Variants in LRRC4C observed in about 807,000 individuals in gnomAD.
The protein encoded by LRRC4C is leucine rich repeat containing 4C.
LRRC4C carries 5 observed loss-of-function variants against 33.6 expected under a neutral mutation model. The ratio of observed to expected loss-of-function variants is 0.15; its 90% CI spans 0.08 to 0.31. LRRC4C has a LOEUF of 0.31. LRRC4C is among the 10% of genes least tolerant of loss of function. The pLI, the probability that LRRC4C is intolerant of heterozygous loss-of-function variation, is 1.00. For missense variants in LRRC4C, 560 were observed against 796.7 expected (o/e 0.70, Z 3.58); for synonymous variants, 329 against 302.0 (o/e 1.09, Z -0.93).
chr11:40,353,142 A>G (rs139023246), intron 3 of LRRC4C, among the ~76,000 whole-genome samples: 1 of 152,220 alleles, frequency 6.6e-6, no homozygotes, highest in East Asian at 1.9e-4. Context: ...GTTCTCTGTT[A>G]TTATTCCTTC....
intron 1 of LRRC4C, among the ~76,000 whole-genome samples, chr11:41,446,380 G>A (rs1955827999): frequency 6.6e-6 from 1 of 152,202 alleles, no homozygotes; most frequent in African/African-American, 2.4e-5. Context: ...TGATTGCTCT[G>A]CTTGTTTTTC....
chr11:40,984,360 G>T (rs1382401947), intron 1 of LRRC4C, among the ~76,000 whole-genome samples: 14 of 61,956 alleles, frequency 2.3e-4, no homozygotes, highest in Admixed American at 2.3e-3. Flanking sequence ...GAGAAAGAAA[G>T]AAAAAAGAAA....
chr11:40,274,414 G>GACAC (rs758404396), intron 4 of LRRC4C, among the ~76,000 whole-genome samples: 1,292 of 63,048 alleles, frequency 0.02, 12 homozygotes, highest in Middle Eastern at 0.052. Flanking sequence ...CTGCGGAATA[G>GACAC]ACACACACAT....
rs554239768 is a variant in LRRC4C, at chr11:41,263,609, T to C, written c.-496+195822A>G. Among the ~76,000 whole-genome samples the C allele has an allele frequency of 2.6e-5, 4 of 152,324 alleles. No homozygotes were observed. The South Asian group carries it at 8.3e-4, about 32-fold the overall frequency. On this transcript the variant is annotated intron_variant, in intron 1 of 6. Transcript: ENST00000528697. Reference sequence around the variant, plus strand: ...CATTTGTTTATTCACACATTGAATATGTTTTGAGTTTCTGCTTTGAGTATT... The same window carrying C: ...CATTTGTTTATTCACACATTGAATACGTTTTGAGTTTCTGCTTTGAGTATT...
chr11:40,458,194 T>A (rs1463816134), intron 3 of LRRC4C, among the ~76,000 whole-genome samples: 2 of 152,086 alleles, frequency 1.3e-5, no homozygotes, highest in Non-Finnish European at 2.9e-5. Context: ...GACAATAGAA[T>A]CCTTGTTACC....
chr11:41,364,064 C>T (rs1365219392), intron 1 of LRRC4C, among the ~76,000 whole-genome samples: 2 of 152,070 alleles, frequency 1.3e-5, no homozygotes, highest in Non-Finnish European at 2.9e-5. Context: ...TCATTTCTTT[C>T]TAGGACTGCG....
At chr11:41,051,230 G>T (rs1858183798) in intron 1 of LRRC4C, among the ~76,000 whole-genome samples, 2 of 151,924 alleles carry the variant, frequency 1.3e-5, no homozygotes, top group African/African-American at 4.8e-5. Flanking sequence ...CTTAAATGTT[G>T]GTGGCTTTAC....
At chr11:41,406,706 C>CCACACACACA (rs112867786) in intron 1 of LRRC4C, among the ~76,000 whole-genome samples, 127 of 138,306 alleles carry the variant, frequency 9.2e-4, no homozygotes, top group South Asian at 4.2e-3. Flanking sequence ...TACACATTCA[C>CCACACACACA]CACACACACA....
At chr11:40,617,639 T>C (rs1306977396) in intron 3 of LRRC4C, among the ~76,000 whole-genome samples, 1 of 151,710 alleles carries the variant, frequency 6.6e-6, no homozygotes, top group African/African-American at 2.4e-5. Context: ...TACAATACTA[T>C]GGAGAAATAA....
intron 1 of LRRC4C, among the ~76,000 whole-genome samples, chr11:41,146,373 C>A (rs984888293): frequency 6.6e-6 from 1 of 152,172 alleles, no homozygotes; most frequent in African/African-American, 2.4e-5. Context: ...GGTTCATTCC[C>A]TCTCATTGCA....
At chr11:40,450,336 A>T (rs1001996659) in intron 3 of LRRC4C, among the ~76,000 whole-genome samples, 22 of 152,206 alleles carry the variant, frequency 1.4e-4, no homozygotes, top group Admixed American at 1.3e-4. Context: ...ATGATTAAAT[A>T]AATATATCAC....
intron 2 of LRRC4C, among the ~76,000 whole-genome samples, chr11:40,689,808 A>G (rs1460518768): frequency 1.3e-5 from 2 of 152,092 alleles, no homozygotes; most frequent in Non-Finnish European, 2.9e-5. Context: ...TTACTAATAT[A>G]CATTCTATCT....
chr11:41,450,868 A>T (rs1162698223), intron 1 of LRRC4C, among the ~76,000 whole-genome samples: 2 of 152,124 alleles, frequency 1.3e-5, no homozygotes, highest in Admixed American at 6.6e-5. Flanking sequence ...CTGCTTCACA[A>T]TATACATATT....
intron 3 of LRRC4C, among the ~76,000 whole-genome samples, chr11:40,454,011 A>G (rs1181954361): frequency 6.6e-6 from 1 of 152,182 alleles, no homozygotes; most frequent in Non-Finnish European, 1.5e-5. Flanking sequence ...CCTGTAGTTG[A>G]GTAAGGTTAT....
At chr11:41,449,517 A>G (rs796466149) in intron 1 of LRRC4C, among the ~76,000 whole-genome samples, 5 of 152,192 alleles carry the variant, frequency 3.3e-5, no homozygotes, top group African/African-American at 1.2e-4. Flanking sequence ...ATCACTAACT[A>G]CTGTGAGGGG....
chr11:40,640,974 C>T (rs1367680567), intron 3 of LRRC4C, among the ~76,000 whole-genome samples: 1 of 137,512 alleles, frequency 7.3e-6, no homozygotes, highest in African/African-American at 2.7e-5. Flanking sequence ...CTAGATTGCG[C>T]CACTGCACTC....
At chr11:40,855,238 A>T (rs1042868631) in intron 2 of LRRC4C, among the ~76,000 whole-genome samples, 14 of 152,208 alleles carry the variant, frequency 9.2e-5, no homozygotes, top group Admixed American at 2.6e-4. Context: ...TGTTCTAACA[A>T]TCACATCTCC....
chr11:40,226,645 A>C (rs1424814526), intron 5 of LRRC4C, among the ~76,000 whole-genome samples: 1 of 152,172 alleles, frequency 6.6e-6, no homozygotes. Context: ...TACATGTTGC[A>C]CAGAGCACTG....
At chr11:40,622,064 A>G (rs1962511651) in intron 3 of LRRC4C, among the ~76,000 whole-genome samples, 1 of 151,824 alleles carries the variant, frequency 6.6e-6, no homozygotes. Context: ...GCTTTTACTG[A>G]CAAAGTAACT....
Sources: allele counts gnomAD v4.1 joint callset (sites outside exome capture counted in the v4.1 genomes callset), GRCh38; gene constraint gnomAD v4.1.1; transcripts MANE v1.5; gene names NCBI Gene and HGNC (gene_info 2026-07-23, HGNC 2026-07-21).